Variants in GKAP1 observed in about 807,000 individuals in gnomAD.
GKAP1 encodes G kinase-anchoring protein 1.
GKAP1 carries 31 observed loss-of-function variants against 56.7 expected under a neutral mutation model. The observed-to-expected ratio is 0.55, with a 90% CI of 0.41 to 0.74. The LOEUF (loss-of-function observed/expected upper bound fraction) is 0.74. GKAP1 is among the 30% of genes least tolerant of loss of function. The probability of loss-of-function intolerance (pLI) is 0.00; values close to 1 mark genes in which losing one functional copy is unlikely to be tolerated. For synonymous variants in GKAP1, 151 were observed against 138.6 expected, an observed-to-expected ratio of 1.09 and a Z score of -0.63; for missense variants, 364 against 402.3, an observed-to-expected ratio of 0.90 and a Z score of 0.82.
At chr9:83,768,639 C>T (rs970092222) in intron 8 of GKAP1, among the ~76,000 whole-genome samples, 179 bp downstream of exon 8, 28 of 152,316 alleles carry the variant, frequency 1.8e-4, no homozygotes, top group African/African-American at 6.7e-4. Context: ...ACTAGTCATA[C>T]AGTATGAGTA....
At chr9:83,752,012 T>C (rs554824800) in intron 9 of GKAP1, among the ~76,000 whole-genome samples, 2 of 152,332 alleles carry the variant, frequency 1.3e-5, no homozygotes, top group Middle Eastern at 3.4e-3. Flanking sequence ...CAGATACTTA[T>C]GCACCAGTAA....
intron 9 of GKAP1, among the ~76,000 whole-genome samples, chr9:83,749,754 C>G (rs1412876778): frequency 7.6e-6 from 1 of 131,662 alleles, no homozygotes; most frequent in Non-Finnish European, 1.7e-5. Context: ...AAATAGTACT[C>G]TGTCCATTAA....
chr9:83,792,640 T>C (rs1205858013), intron 4 of GKAP1, among the ~76,000 whole-genome samples: 1 of 151,960 alleles, frequency 6.6e-6, no homozygotes, highest in East Asian at 1.9e-4. Context: ...AGAAAGAAAA[T>C]GTGATTCAAA....
chr9:83,774,949 C>T (rs1427632614), intron 7 of GKAP1, among the ~76,000 whole-genome samples: 9 of 151,318 alleles, frequency 5.9e-5, no homozygotes, highest in African/African-American at 1.2e-4. Flanking sequence ...CCTTGTGATC[C>T]GCCCACCTCA....
chr9:83,795,440 A>G (rs1944228431), intron 4 of GKAP1, among the ~76,000 whole-genome samples: 3 of 152,144 alleles, frequency 2.0e-5, no homozygotes, highest in Admixed American at 2.0e-4. Flanking sequence ...TTATTGAACT[A>G]GCTTAAATAC....
intron 8 of GKAP1, among the ~76,000 whole-genome samples, chr9:83,762,253 C>G (rs1378731165): frequency 1.3e-5 from 2 of 151,502 alleles, no homozygotes. Context: ...TTCTATAGGC[C>G]AACAGAGAAC....
intron 4 of GKAP1, among the ~76,000 whole-genome samples, chr9:83,793,984 TG>T (rs1564208693): frequency 6.6e-6 from 1 of 151,986 alleles, no homozygotes; most frequent in African/African-American, 2.4e-5. Flanking sequence ...CTGGGCAACA[TG>T]GCAAAACCCC....
At chr9:83,798,935 T>C (rs1944289507) in intron 4 of GKAP1, among the ~76,000 whole-genome samples, 1 of 152,202 alleles carries the variant, frequency 6.6e-6, no homozygotes, top group African/African-American at 2.4e-5. Flanking sequence ...CCCTGATTTG[T>C]AAAAGGCAGA....
At chr9:83,777,767 A>G (rs1943887753) in intron 7 of GKAP1, among the ~76,000 whole-genome samples, 1 of 152,226 alleles carries the variant, frequency 6.6e-6, no homozygotes, top group Admixed American at 6.5e-5. Flanking sequence ...TAAGTTAATC[A>G]TTCAGCATAC....
intron 7 of GKAP1, among the ~76,000 whole-genome samples, chr9:83,775,391 G>C (rs1224984291): frequency 6.6e-6 from 1 of 152,030 alleles, no homozygotes; most frequent in Non-Finnish European, 1.5e-5. Context: ...CTGGAGAATG[G>C]TTTTAGAAAC....
At chr9:83,790,942 T>C (rs1342198575) in intron 4 of GKAP1, among the ~76,000 whole-genome samples, 1 of 152,268 alleles carries the variant, frequency 6.6e-6, no homozygotes, top group Non-Finnish European at 1.5e-5. Flanking sequence ...TTTGAGATTA[T>C]TTCTAATATG....
At position 83,784,784 on chromosome 9, in the gene GKAP1, C is replaced by G. The variant is rs903082491; in HGVS notation, c.493G>C (p.Asp165His). ...STQSKVMNKK[D>H]KRKNHQGKDR... ...TTTCCCTGATGATTCTTTCTTTTAT[C>G]TTTTTTATTCATAACTTTGGACTGA... is the stretch of plus-strand genomic sequence containing the variant. Residue 165 changes from aspartate to histidine, a missense_variant, in exon 6 of 13, where the codon GAT becomes CAT. Transcript: ENST00000376371. The G allele has an allele frequency of 6.3e-7, 1 of 1,599,934 alleles. No individual in the cohort carries two copies. Among genetic ancestry groups the G allele is most frequent in the Non-Finnish European group, 8.5e-7 (1 of 1,170,610 alleles).
At chr9:83,765,000 G>C (rs575000590) in intron 8 of GKAP1, among the ~76,000 whole-genome samples, 23 of 152,288 alleles carry the variant, frequency 1.5e-4, no homozygotes, top group African/African-American at 4.6e-4. Context: ...CAAGACAATG[G>C]GGAAAATGTC....
Position 83,750,023 on chromosome 9 carries a change from G to C in GKAP1, c.841-1651C>G, listed in dbSNP as rs182717878. ...ACTCGCTATGAAATTCCCACCCTCT[G>C]GGCTCCAACCTATGTTAGTATTTCA... On this transcript the variant is annotated intron_variant, in intron 9 of 12. Transcript: ENST00000376371. 1.9e-4 allele frequency among the ~76,000 whole-genome samples: 29 copies of C among 152,176 alleles called. No individual in the cohort carries two copies. The East Asian group carries it at 4.4e-3, about 23-fold the overall frequency.
At chr9:83,805,620 A>G (rs1944426629) in intron 3 of GKAP1, among the ~76,000 whole-genome samples, 1 of 152,058 alleles carries the variant, frequency 6.6e-6, no homozygotes, top group African/African-American at 2.4e-5. Context: ...ATATAACCCC[A>G]TTTTCATTTA....
At position 83,816,998 on chromosome 9, in the gene GKAP1, C is replaced by T. The variant is rs1944617977; in HGVS notation, c.-46G>A. On this transcript the variant is annotated splice_region_variant and 5_prime_UTR_variant, in exon 2 of 13. It removes an upstream start codon present in the reference 5' UTR. Transcript: ENST00000376371. ...ATTCAAAAAGTAATTCACTATACCT[C>T]ATTCATGAATGAAAGCCAAATTTCA... The T allele has an allele frequency of 6.6e-6, 1 of 152,194 alleles. No homozygotes were observed. Among genetic ancestry groups the T allele is most frequent in the South Asian group, 2.1e-4 (1 of 4,830 alleles). The allele number at this position is 152,194 out of a possible 1,614,324, so 9.4% of individuals were successfully genotyped here.
chr9:83,794,732 G>C (rs1425960616), intron 4 of GKAP1, among the ~76,000 whole-genome samples: 1 of 152,110 alleles, frequency 6.6e-6, no homozygotes, highest in Non-Finnish European at 1.5e-5. Context: ...AGGTACACTG[G>C]AATCAATAGT....
Position 83,812,948 on chromosome 9 carries a change from T to C in GKAP1, c.-44+4048A>G, listed in dbSNP as rs568917868. Among the ~76,000 whole-genome samples, 6 of 152,350 alleles carry C rather than the reference T, an allele frequency of 3.9e-5. 1 individual carries two copies. The South Asian group carries it at 1.2e-3, about 32-fold the overall frequency. On this transcript the variant is annotated intron_variant, in intron 2 of 12. Coordinates refer to ENST00000376371, the MANE Select transcript of GKAP1 (RefSeq NM_025211.4). ...TTCAGAATTTTCAAAAAGATAGTCATGTTATGCAATCCAGGAATTCCTCTG... is the reference window on the plus strand; with the variant it reads ...TTCAGAATTTTCAAAAAGATAGTCACGTTATGCAATCCAGGAATTCCTCTG...
intron 8 of GKAP1, among the ~76,000 whole-genome samples, chr9:83,761,014 CAGCAGAA>C (rs1403093918): frequency 6.6e-6 from 1 of 150,542 alleles, no homozygotes; most frequent in Non-Finnish European, 1.5e-5. Flanking sequence ...ATAAACATCA[CAGCAGAA>C]ATAAATGAAA....
Sources: gnomAD v4.1 joint callset for allele counts (sites outside exome capture counted in the v4.1 genomes callset) on GRCh38, gnomAD v4.1.1 for gene constraint, MANE v1.5 for transcripts, NCBI Gene and HGNC (gene_info 2026-07-23, HGNC 2026-07-21) for gene names.